Variants in ALPL observed in about 807,000 individuals in gnomAD.
ALPL encodes alkaline phosphatase, biomineralization associated.
A neutral mutation model predicts 51.3 loss-of-function variants in ALPL; 42 were observed. The ratio of observed to expected loss-of-function variants is 0.82; its 90% CI spans 0.64 to 1.06. The LOEUF (loss-of-function observed/expected upper bound fraction) is 1.06, where lower values mean the gene tolerates loss of function less well. ALPL is among the 50% of genes least tolerant of loss of function. The pLI, the probability that ALPL is intolerant of heterozygous loss-of-function variation, is 0.00. For synonymous variants in ALPL, 279 were observed against 296.4 expected (o/e 0.94, Z 0.60); for missense variants, 589 against 709.4 (o/e 0.83, Z 1.93).
rs757111696 is a variant in ALPL at position 21,573,765 on chromosome 1, G to A, written c.963G>A (p.Arg321=). 6.2e-7 allele frequency: 1 copy of A among 1,614,194 alleles called. No individual in the cohort carries two copies. The highest frequency in any genetic ancestry group is 1.1e-5 in the South Asian group (1 of 91,084). ...EMVVVAIQIL[R]KNPKGFFLLV... is the part of the protein sequence containing the mutation. ...TGGTGGTGGCCATCCAGATCCTGCG[G>A]AAGAACCCCAAAGGCTTCTTCTTGC... Residue 321 remains arginine (R), a synonymous_variant, in exon 9 of 12, where the codon CGG becomes CGA. Transcript: ENST00000374840.
intron 4 of ALPL, among the ~76,000 whole-genome samples, 177 bp from the exon 5 acceptor site, chr1:21,562,933 C>T (rs1306213407): frequency 6.6e-6 from 1 of 152,232 alleles, no homozygotes; most frequent in Non-Finnish European, 1.5e-5. Flanking sequence ...TGGCAGGAAG[C>T]AGGCAGCTAG....
rs923990321 is a variant in ALPL, at chr1:21,564,361, T to G, written c.648+145T>G. ...GAGGCTCCCAGCCCATTAGGGGATT[T>G]GCGGTTGGGCAGGCAGGCACTGTGG... is the stretch of plus-strand genomic sequence containing the variant. On this transcript the variant is annotated intron_variant, in intron 6 of 11. Coordinates refer to ENST00000374840, the MANE Select transcript of ALPL (RefSeq NM_000478.6). This position sits in a 1 kb window ranked among gnomAD's most constrained non-coding sequence, Gnocchi z 5.8. The G allele has an allele frequency of 2.5e-4, 280 of 1,098,140 alleles. No individual in the cohort carries two copies. The highest frequency in any genetic ancestry group is 3.3e-4 in the Non-Finnish European group (254 of 776,602). The allele number at this position is 1,098,140 out of a possible 1,614,324, so 68.0% of individuals were successfully genotyped here.
rs190243433 is a variant in ALPL, at chr1:21,566,463, A to T, written c.649-1641A>T. 5.8e-3 allele frequency among the ~76,000 whole-genome samples: 878 copies of T among 151,220 alleles called. 2 individuals are homozygous for T. The highest frequency in any genetic ancestry group is 8.6e-3 in the East Asian group (44 of 5,116). Reference sequence around the variant, plus strand: ...CACGCCCGGCTAATTTTTTTTTTTTAAATTTTTAGTAGAGACGGGGTTTCG... The same window carrying T: ...CACGCCCGGCTAATTTTTTTTTTTTTAATTTTTAGTAGAGACGGGGTTTCG... On this transcript the variant is annotated intron_variant, in intron 6 of 11. Coordinates refer to ENST00000374840, the MANE Select transcript of ALPL (RefSeq NM_000478.6).
At chr1:21,511,863 T>A (rs1439498696) in intron 1 of ALPL, among the ~76,000 whole-genome samples, 2 of 152,090 alleles carry the variant, frequency 1.3e-5, no homozygotes, top group Non-Finnish European at 2.9e-5. Flanking sequence ...GGGAAGTGAG[T>A]TGCCCAGAGG....
intron 1 of ALPL, among the ~76,000 whole-genome samples, chr1:21,531,578 A>G (rs1465457641): frequency 6.6e-6 from 1 of 152,160 alleles, no homozygotes; most frequent in Non-Finnish European, 1.5e-5. Context: ...GAAAGGGAGG[A>G]GGATTCTGGG....
At chr1:21,575,553 C>T (rs1013731367) in intron 9 of ALPL, among the ~76,000 whole-genome samples, 180 bp from the exon 10 acceptor site, 1 of 152,326 alleles carries the variant, frequency 6.6e-6, no homozygotes, top group East Asian at 1.9e-4. Flanking sequence ...CTCTGGCCTC[C>T]GTCAGGTTGA....
At chr1:21,568,462 G>A (rs2148172755) in intron 7 of ALPL, among the ~76,000 whole-genome samples, 1 of 152,290 alleles carries the variant, frequency 6.6e-6, no homozygotes, top group South Asian at 2.1e-4. Flanking sequence ...GGCGGATGGT[G>A]AGGAGGAGGC....
At chr1:21,549,641 T>C (rs529527330) in intron 1 of ALPL, among the ~76,000 whole-genome samples, 1 of 152,132 alleles carries the variant, frequency 6.6e-6, no homozygotes, top group African/African-American at 2.4e-5. Flanking sequence ...GCCCAGCTAA[T>C]TTTTGTAGAG....
chr1:21,510,110 G>C (rs1022215563), intron 1 of ALPL, among the ~76,000 whole-genome samples: 1 of 152,136 alleles, frequency 6.6e-6, no homozygotes, highest in African/African-American at 2.4e-5. Flanking sequence ...ACCCACTGTG[G>C]GCACCGCAGC....
At position 21,563,199 on chromosome 1, in the gene ALPL, G is replaced by T. The variant is rs1198001397; in HGVS notation, c.387G>T (p.Gly129=). 6.2e-7 allele frequency: 1 copy of T among 1,613,994 alleles called. No homozygotes were observed. The highest frequency in any genetic ancestry group is 1.7e-5 in the Admixed American group (1 of 60,028). ...CGVKANEGTV[G]VSAATERSRC... ...TGAAGGCCAATGAGGGCACCGTGGG[G>T]GTAAGCGCAGCCACTGAGCGTTCCC... The change falls in exon 5 of 12, where the codon GGG becomes GGT. Residue 129 remains glycine, a synonymous_variant. Transcript: ENST00000374840.
chr1:21,522,359 C>T (rs1294263908), intron 1 of ALPL, among the ~76,000 whole-genome samples: 2 of 152,218 alleles, frequency 1.3e-5, no homozygotes, highest in Non-Finnish European at 2.9e-5. Flanking sequence ...CAGGCGTGAG[C>T]CACTGCACCC....
intron 1 of ALPL, among the ~76,000 whole-genome samples, chr1:21,529,171 G>T (rs1246386824): frequency 6.6e-6 from 1 of 151,750 alleles, no homozygotes; most frequent in East Asian, 1.9e-4. Context: ...TTGTGATTCT[G>T]ACTTACAATT....
intron 1 of ALPL, among the ~76,000 whole-genome samples, chr1:21,528,557 G>A (rs751758573): frequency 2.0e-4 from 30 of 150,902 alleles, no homozygotes; most frequent in Non-Finnish European, 3.0e-4. Flanking sequence ...TCACCATATT[G>A]GCCAGACTGG....
At chr1:21,550,620 C>T (rs1644308187) in intron 1 of ALPL, among the ~76,000 whole-genome samples, 1 of 152,030 alleles carries the variant, frequency 6.6e-6, no homozygotes. Context: ...GACAGCTGAA[C>T]CCACCGTGTA....
chr1:21,567,300 T>C (rs1386837600), intron 6 of ALPL, among the ~76,000 whole-genome samples: 2 of 152,246 alleles, frequency 1.3e-5, no homozygotes, highest in Non-Finnish European at 2.9e-5. Context: ...GCTGCTGTTA[T>C]GCTCTTGGCC....
chr1:21,553,270 G>C (rs888706060), intron 1 of ALPL, among the ~76,000 whole-genome samples: 1 of 151,822 alleles, frequency 6.6e-6, no homozygotes, highest in Non-Finnish European at 1.5e-5. Context: ...ATGCAGAAAA[G>C]ACAATGGAAA....
rs1485001357 is a variant in ALPL at position 21,570,183 on chromosome 1, G to T, written c.793-122G>T. The T allele has an allele frequency of 9.3e-6, 9 of 965,332 alleles. No individual in the cohort carries two copies. In the East Asian group the frequency reaches 2.3e-4, roughly 25 times the overall value. The allele number at this position is 965,332 out of a possible 1,614,324, so 59.8% of individuals were successfully genotyped here. On this transcript the variant is annotated intron_variant, in intron 7 of 11. Coordinates refer to ENST00000374840, the MANE Select transcript of ALPL (RefSeq NM_000478.6). ...TGAGGTCAGGGATGGTGGGTCCTCA[G>T]GGAGAGATTTTTAAGTGAGGGAAGG... is the stretch of plus-strand genomic sequence containing the variant.
intron 1 of ALPL, among the ~76,000 whole-genome samples, chr1:21,524,042 C>T (rs1263574681): frequency 1.3e-4 from 18 of 137,296 alleles, no homozygotes; most frequent in East Asian, 5.9e-4. Context: ...CTCGCTCTGT[C>T]GCCCAGGCTG....
In ALPL at chr1:21,564,207, G is replaced by A. The variant is rs1176370824; in HGVS notation, c.639G>A (p.Arg213=). ...DIAYQLMHNI[R]DIDVIMGGGR... ...CCTACCAGCTCATGCATAACATCAG[G>A]GACATTGACGTGAGTGCTCGGGGGC... The change falls in exon 6 of 12, where the codon AGG becomes AGA. Residue 213 remains arginine, a synonymous_variant. Coordinates refer to ENST00000374840, the MANE Select transcript of ALPL (RefSeq NM_000478.6). This position sits in a 1 kb window ranked among gnomAD's most constrained non-coding sequence, Gnocchi z 5.8. 6.2e-7 allele frequency: 1 copy of A among 1,613,810 alleles called. No individual in the cohort carries two copies. Among genetic ancestry groups the A allele is most frequent in the Non-Finnish European group, 8.5e-7 (1 of 1,179,988 alleles).
Sources: gnomAD v4.1 joint callset for allele counts (sites outside exome capture counted in the v4.1 genomes callset) on GRCh38, gnomAD v4.1.1 for gene constraint, Gnocchi (gnomAD v3.1) non-coding constraint, MANE v1.5 for transcripts, NCBI Gene and HGNC (gene_info 2026-07-23, HGNC 2026-07-21) for gene names.